Variants in FOXK1 observed in about 807,000 individuals in gnomAD.
FOXK1 encodes the protein forkhead box protein K1.
A neutral mutation model predicts 51.9 loss-of-function variants in FOXK1; 19 were observed. That is an observed-to-expected ratio of 0.37 (90% confidence interval 0.26 to 0.54). The LOEUF (loss-of-function observed/expected upper bound fraction) is 0.54, where lower values mean the gene tolerates loss of function less well. Among genes scored for constraint, FOXK1 ranks in the 20% least tolerant of loss-of-function variants. The pLI, the probability that FOXK1 is intolerant of heterozygous loss-of-function variation, is 0.87. For synonymous variants in FOXK1, 537 were observed against 482.6 expected, an observed-to-expected ratio of 1.11 and a Z score of -1.48; for missense variants, 870 against 1,032.7, an observed-to-expected ratio of 0.84 and a Z score of 2.16.
chr7:4,739,062 TC>T (rs1185194145), intron 1 of FOXK1, among the ~76,000 whole-genome samples: 1 of 152,192 alleles, frequency 6.6e-6, no homozygotes. Flanking sequence ...AAAGGGACTT[TC>T]ATATGAAAGA....
rs530270711 is a variant in FOXK1, at chr7:4,699,395, A to AG, written c.560+16527_560+16528insG. On this transcript the variant is annotated intron_variant, in intron 1 of 8. Transcript: ENST00000328914. ...GGTTAGGTTTTTTTTTTTTTGAGAC[A>AG]TCTCACTCTGTCACCCAGGCCGGAG... 3.1e-4 allele frequency among the ~76,000 whole-genome samples: 43 copies of AG among 140,412 alleles called. 1 individual carries two copies. In the South Asian group the frequency reaches 9.7e-3, roughly 32 times the overall value. 92.1% of individuals were successfully genotyped at this position (140,412 alleles called of 152,430 possible). A position where few individuals can be genotyped will look rare whatever the true frequency, so the allele number is the denominator to read the frequency against.
At position 4,758,220 on chromosome 7, in the gene FOXK1, C is replaced by T. The variant is rs1392684088; in HGVS notation, c.1245-831C>T. The T allele has an allele frequency of 6.6e-6, 1 of 152,308 alleles. No individual in the cohort carries two copies. The highest frequency in any genetic ancestry group is 6.5e-5 in the Admixed American group (1 of 15,292). 9.4% of individuals were successfully genotyped at this position (152,308 alleles called of 1,614,324 possible). On this transcript the variant is annotated intron_variant, in intron 5 of 8. Transcript: ENST00000328914. This position sits in a 1 kb window ranked among gnomAD's most constrained non-coding sequence, Gnocchi z 4.4. ...CTTTTCGCAGATGCTGGGAACGCAG[C>T]TCTGCTGCCGGCGGGGTGGACAGAC...
intron 2 of FOXK1, among the ~76,000 whole-genome samples, chr7:4,744,699 G>T (rs995147906): frequency 2.6e-5 from 4 of 152,374 alleles, no homozygotes; most frequent in Non-Finnish European, 4.4e-5. Context: ...GTCCCCGTCA[G>T]GGGGTGCGAG....
At chr7:4,741,104 G>C in intron 2 of FOXK1, 81 bp downstream of exon 2, 1 of 1,021,092 alleles carries the variant, frequency 9.8e-7, no homozygotes, top group Non-Finnish European at 1.4e-6. Flanking sequence ...GCAGCACCGG[G>C]TTCCAAATCT....
At chr7:4,721,318 A>C (rs1253154481) in intron 1 of FOXK1, among the ~76,000 whole-genome samples, 1 of 152,182 alleles carries the variant, frequency 6.6e-6, no homozygotes, top group African/African-American at 2.4e-5. Context: ...CTGCCGGCCT[A>C]GCCCTGTGTC....
chr7:4,760,167 T>C (rs1183210649), intron 7 of FOXK1: 1 of 152,840 alleles, frequency 6.5e-6, no homozygotes, highest in African/African-American at 2.4e-5. Flanking sequence ...ATTTGGAATT[T>C]AGTGTTTTCT....
chr7:4,744,473 T>A (rs2115063402), intron 2 of FOXK1, among the ~76,000 whole-genome samples: 1 of 152,350 alleles, frequency 6.6e-6, no homozygotes, highest in African/African-American at 2.4e-5. Context: ...TACCCACTGT[T>A]CAGCCACTGC....
chr7:4,736,639 C>G (rs550312432), intron 1 of FOXK1, among the ~76,000 whole-genome samples: 1 of 152,130 alleles, frequency 6.6e-6, no homozygotes, highest in East Asian at 1.9e-4. Context: ...GTCTCGAACT[C>G]CTGACCTCAG....
chr7:4,710,018 G>T (rs1225414017), intron 1 of FOXK1, among the ~76,000 whole-genome samples: 9 of 152,222 alleles, frequency 5.9e-5, no homozygotes. Context: ...TTGTGTGGCG[G>T]TCAGTTAGTT....
intron 1 of FOXK1, among the ~76,000 whole-genome samples, chr7:4,727,497 G>C (rs942640626): frequency 6.6e-6 from 1 of 151,714 alleles, no homozygotes; most frequent in South Asian, 2.1e-4. Context: ...TATATATTTA[G>C]TAGAGACCCG....
rs1781076186 is a variant in FOXK1 at position 4,769,981 on chromosome 7, A to T, written c.*7517A>T. 6.6e-6 allele frequency: 1 copy of T among 152,190 alleles called. No individual in the cohort carries two copies. The highest frequency in any genetic ancestry group is 1.5e-5 in the Non-Finnish European group (1 of 68,044). The allele number at this position is 152,190 out of a possible 1,614,324, so 9.4% of individuals were successfully genotyped here. A position where few individuals can be genotyped will look rare whatever the true frequency, so the allele number is the denominator to read the frequency against. Reference sequence around the variant, plus strand: ...CTTCAATCCGGGCTGACAGCCAAGAAGAGTTTTCCTCCCTTCGGTGACAGG... The same window carrying T: ...CTTCAATCCGGGCTGACAGCCAAGATGAGTTTTCCTCCCTTCGGTGACAGG... On this transcript the variant is annotated 3_prime_UTR_variant, in exon 9 of 9. Transcript: ENST00000328914. The surrounding 1 kb of genome is among the most constrained non-coding windows in gnomAD (Gnocchi z 4.1).
chr7:4,704,781 G>A (rs535905405), intron 1 of FOXK1, among the ~76,000 whole-genome samples: 68 of 150,790 alleles, frequency 4.5e-4, no homozygotes, highest in African/African-American at 1.5e-3. Flanking sequence ...TGCCCAGGCT[G>A]GTCTCAAACT....
Position 4,758,841 on chromosome 7 carries a change from G to A in FOXK1, c.1245-210G>A, listed in dbSNP as rs1215338920. The A allele has an allele frequency of 3.4e-6, 2 of 586,212 alleles. No homozygotes were observed. The highest frequency in any genetic ancestry group is 1.9e-5 in the African/African-American group (1 of 52,700). The allele number at this position is 586,212 out of a possible 1,614,324, so 36.3% of individuals were successfully genotyped here. A position where few individuals can be genotyped will look rare whatever the true frequency, so the allele number is the denominator to read the frequency against. ...ATGATACCGTCCCCTCTCATGGAAC[G>A]GAGCCTCCCCCATGCAGCCCCCACT... is the stretch of plus-strand genomic sequence containing the variant. On this transcript the variant is annotated intron_variant, in intron 5 of 8. Coordinates refer to ENST00000328914, the MANE Select transcript of FOXK1 (RefSeq NM_001037165.2). The surrounding 1 kb of genome is among the most constrained non-coding windows in gnomAD (Gnocchi z 4.4).
chr7:4,704,640 CT>C (rs1204674833), intron 1 of FOXK1, among the ~76,000 whole-genome samples: 1 of 152,030 alleles, frequency 6.6e-6, no homozygotes, highest in Non-Finnish European at 1.5e-5. Context: ...AGGGATTGCC[CT>C]GTGTGCTAGG....
At chr7:4,736,578 C>G (rs1327356541) in intron 1 of FOXK1, among the ~76,000 whole-genome samples, 1 of 151,892 alleles carries the variant, frequency 6.6e-6, no homozygotes, top group African/African-American at 2.4e-5. Context: ...ATGCCTGGTT[C>G]ATTTTTTGTA....
Position 4,734,744 on chromosome 7 carries a change from A to G in FOXK1, c.561-6094A>G, listed in dbSNP as rs1392974781. The stretch of plus-strand genomic sequence containing the variant: ...GCCTCTGGTCCTCCTGCAGAATTTC[A>G]GGTCGCAAGGCTATTTTTGGCGTGA... On this transcript the variant is annotated intron_variant, in intron 1 of 8. Transcript: ENST00000328914. The surrounding 1 kb of genome is among the most constrained non-coding windows in gnomAD (Gnocchi z 5.2). 6.6e-6 allele frequency among the ~76,000 whole-genome samples: 1 copy of G among 152,128 alleles called. No individual in the cohort carries two copies. The highest frequency in any genetic ancestry group is 2.4e-5 in the African/African-American group (1 of 41,420).
At chr7:4,744,833 CTTG>C (rs1245756901) in intron 2 of FOXK1, among the ~76,000 whole-genome samples, 1 of 152,216 alleles carries the variant, frequency 6.6e-6, no homozygotes, top group African/African-American at 2.4e-5. Context: ...AGACCGGATT[CTTG>C]TTGGGGAGAA....
In FOXK1 at chr7:4,685,120, A is replaced by G. The variant is rs572954606; in HGVS notation, c.560+2252A>G. Among the ~76,000 whole-genome samples the G allele has an allele frequency of 3.3e-5, 5 of 151,720 alleles. No individual in the cohort carries two copies. The South Asian group carries it at 8.3e-4, about 25-fold the overall frequency. On this transcript the variant is annotated intron_variant, in intron 1 of 8. Transcript: ENST00000328914. ...TCACCTGCACATGTGAGCAATATCTATGTAGGCAGCAATGTAAAATTTACA... is the reference window on the plus strand; with the variant it reads ...TCACCTGCACATGTGAGCAATATCTGTGTAGGCAGCAATGTAAAATTTACA...
chr7:4,682,747 C>G lies in FOXK1; in HGVS notation c.439C>G (p.Arg147Gly). 6.2e-7 allele frequency: 1 copy of G among 1,601,920 alleles called. No homozygotes were observed. Among genetic ancestry groups the G allele is most frequent in the Non-Finnish European group, 8.5e-7 (1 of 1,178,036 alleles). ...GGGCCTGTCCAGCTTCATCTCGCGG[C>G]GCCACCTGCAGCTCAGCTTCCAGGA... ...SMGLSSFISR[R>G]HLQLSFQEPH... The change falls in exon 1 of 9, where the codon CGC (arginine) becomes GGC (glycine). Residue 147 changes from arginine to glycine, a missense_variant. Transcript: ENST00000328914. The surrounding 1 kb of genome is among the most constrained non-coding windows in gnomAD (Gnocchi z 7.6).
Sources: gnomAD v4.1 joint callset for allele counts (sites outside exome capture counted in the v4.1 genomes callset) on GRCh38, gnomAD v4.1.1 for gene constraint, Gnocchi (gnomAD v3.1) non-coding constraint, MANE v1.5 for transcripts, NCBI Gene and HGNC (gene_info 2026-07-23, HGNC 2026-07-21) for gene names.